Variants in TUBGCP5 observed in about 807,000 individuals in gnomAD.
The protein encoded by TUBGCP5 is gamma-tubulin complex component 5.
A neutral mutation model predicts 134.7 loss-of-function variants in TUBGCP5; 98 were observed. That is an observed-to-expected ratio of 0.73 (90% CI 0.62 to 0.86). The LOEUF is 0.86. TUBGCP5 is among the 40% of genes least tolerant of loss of function. The probability of loss-of-function intolerance (pLI) is 0.00; values close to 1 mark genes in which losing one functional copy is unlikely to be tolerated. For missense variants in TUBGCP5, 1,150 were observed against 1,244.8 expected (o/e 0.92, Z 1.15); for synonymous variants, 456 against 431.4 (o/e 1.06, Z -0.71).
intron 6 of TUBGCP5, among the ~76,000 whole-genome samples, chr15:23,030,510 T>C (rs2066243109): frequency 6.6e-6 from 1 of 151,994 alleles, no homozygotes; most frequent in African/African-American, 2.4e-5. Context: ...TATACTTTTT[T>C]ATTTTAATTT....
Position 22,999,871 on chromosome 15 carries a change from G to A in TUBGCP5, c.3029-5C>T, listed in dbSNP as rs2064267883. The A allele has an allele frequency of 1.2e-6, 2 of 1,613,398 alleles. No homozygotes were observed. Among genetic ancestry groups the A allele is most frequent in the East Asian group, 2.2e-5 (1 of 44,890 alleles). On this transcript the variant is annotated splice_polypyrimidine_tract_variant and splice_region_variant and intron_variant, in intron 22 of 22. Coordinates refer to ENST00000615383, the MANE Select transcript of TUBGCP5 (RefSeq NM_052903.6). ...GTGACAACGCTAGAGATTCCACTGT[G>A]GGAAGAATAAAAATAAGGTTAAAAC...
intron 1 of TUBGCP5, among the ~76,000 whole-genome samples, chr15:23,038,760 C>T (rs1017196318): frequency 1.3e-5 from 2 of 152,036 alleles, no homozygotes; most frequent in Admixed American, 1.3e-4. Flanking sequence ...AATAGGAGAT[C>T]TCACTTTACG....
Position 23,037,061 on chromosome 15 carries a change from A to C in TUBGCP5, c.200+38T>G, listed in dbSNP as rs773110733. 19 of 1,601,950 alleles carry C rather than the reference A, an allele frequency of 1.2e-5. No homozygotes were observed. In the South Asian group the frequency reaches 1.2e-4, roughly 10 times the overall value. On this transcript the variant is annotated intron_variant, in intron 2 of 22. Coordinates refer to ENST00000615383, the MANE Select transcript of TUBGCP5 (RefSeq NM_052903.6). ...CTTAAAAAGATCTATAAGAAAATAC[A>C]TATATTTCTGGATGCGTATATATAC...
chr15:23,007,219 C>A (rs1276581293), intron 16 of TUBGCP5, among the ~76,000 whole-genome samples: 3 of 151,970 alleles, frequency 2.0e-5, no homozygotes, highest in Non-Finnish European at 4.4e-5. Context: ...CTGGCTAACC[C>A]AGTGAAACCC....
chr15:23,039,516 G>C lies in TUBGCP5; in HGVS notation c.28C>G (p.Arg10Gly). The C allele has an allele frequency of 2.0e-6, 3 of 1,499,446 alleles. No individual in the cohort carries two copies. The highest frequency in any genetic ancestry group is 1.3e-5 in the South Asian group (1 of 78,860). The allele number at this position is 1,499,446 out of a possible 1,614,324, so 92.9% of individuals were successfully genotyped here. The change falls in exon 1 of 23, where the codon CGG (arginine) becomes GGG (glycine). Residue 10 changes from arginine (R) to glycine (G), a missense_variant. Transcript: ENST00000615383. MARHGPPWS[R>G]LDAQQERDVR... ...TCGCGCTCCTGCTGCGCGTCCAACCGACTCCACGGTGGCCCGTGCCGCGCC... is the reference window on the plus strand; with the variant it reads ...TCGCGCTCCTGCTGCGCGTCCAACCCACTCCACGGTGGCCCGTGCCGCGCC...
chr15:23,021,743 C>T (rs2065710158), intron 11 of TUBGCP5, among the ~76,000 whole-genome samples: 1 of 152,204 alleles, frequency 6.6e-6, no homozygotes, highest in South Asian at 2.1e-4. Context: ...GTACTTCTCA[C>T]AGCTTGCCTT....
intron 16 of TUBGCP5, among the ~76,000 whole-genome samples, chr15:23,007,883 G>A (rs931556776): frequency 1.2e-4 from 19 of 152,110 alleles, no homozygotes; most frequent in Admixed American, 3.3e-4. Context: ...GTCCGTTTTG[G>A]TGGAAGGGAG....
chr15:23,022,878 G>C (rs945546388), intron 10 of TUBGCP5, among the ~76,000 whole-genome samples: 7 of 152,116 alleles, frequency 4.6e-5, no homozygotes, highest in South Asian at 2.1e-4. Context: ...AGCTACATGG[G>C]TTACCATTTT....
chr15:23,037,287 G>T, intron 1 of TUBGCP5, 135 bp from the exon 2 acceptor site: 1 of 793,628 alleles, frequency 1.3e-6, no homozygotes, highest in Non-Finnish European at 2.1e-6. Flanking sequence ...CTTGTCCTCC[G>T]TTACCTCCAC....
chr15:23,024,809 C>T lies in TUBGCP5; in HGVS notation c.849G>A (p.Lys283=). The T allele has an allele frequency of 6.3e-7, 1 of 1,593,398 alleles. No homozygotes were observed. Among genetic ancestry groups the T allele is most frequent in the South Asian group, 1.1e-5 (1 of 88,454 alleles). The change falls in exon 9 of 23, where the codon AAG becomes AAA. Residue 283 remains lysine (K), a synonymous_variant. Transcript: ENST00000615383. ...CATCTATCAACTGAAATATAAAGAG[C>T]TTTTTCACTCCTGAAAGTAACCTGA... ...ETLWLLSGVK[K]LFIFQLIDGK... is the part of the protein sequence containing the mutation.
In TUBGCP5 at chr15:23,008,845, G is replaced by A. The variant is rs1320550584; in HGVS notation, c.2181C>T (p.Phe727=). ...VEYLQAMRNF[F]LMEGGDTMYD... is the part of the protein sequence containing the mutation. ...ACATGGTATCTCCTCCTTCCATTAA[G>A]AAAAAATTCCTCATAGCTTGCAAGT... Residue 727 remains phenylalanine (F), a synonymous_variant, in exon 16 of 23, where the codon TTC becomes TTT. Coordinates refer to ENST00000615383, the MANE Select transcript of TUBGCP5 (RefSeq NM_052903.6). 2.5e-6 allele frequency: 4 copies of A among 1,576,598 alleles called. No individual in the cohort carries two copies. The highest frequency in any genetic ancestry group is 4.6e-5 in the East Asian group (2 of 43,532).
Position 23,010,130 on chromosome 15 carries a change from C to T in TUBGCP5, c.1959G>A (p.Met653Ile), listed in dbSNP as rs755466275. ...DPLLAINFAR[M>I]YLEQSDFHEK... Reference sequence around the variant, plus strand: ...CGTGAAAGTCACTCTGCTCCAAATACATCCTTCAAGATAAAAATGTGAGTC... The same window carrying T: ...CGTGAAAGTCACTCTGCTCCAAATATATCCTTCAAGATAAAAATGTGAGTC... The change falls in exon 15 of 23, where the codon ATG (methionine) becomes ATA (isoleucine). Residue 653 changes from methionine to isoleucine, a missense_variant. Transcript: ENST00000615383. 65 of 1,610,728 alleles carry T rather than the reference C, an allele frequency of 4.0e-5. 1 individual carries two copies. The East Asian group carries it at 1.2e-3, about 29-fold the overall frequency.
intron 21 of TUBGCP5, among the ~76,000 whole-genome samples, chr15:23,001,454 C>T (rs952415433): frequency 1.3e-4 from 20 of 151,846 alleles, no homozygotes; most frequent in African/African-American, 4.6e-4. Context: ...AGCAATTCTC[C>T]TGCCTCAGCC....
intron 23 of TUBGCP5, among the ~76,000 whole-genome samples, chr15:22,991,414 TTAA>T (rs1213483608): frequency 6.6e-6 from 1 of 152,166 alleles, no homozygotes; most frequent in Non-Finnish European, 1.5e-5. Context: ...CTTTCTTAAC[TTAA>T]TGATGCCATG....
At chr15:23,029,424 T>C (rs2066172377) in intron 6 of TUBGCP5, among the ~76,000 whole-genome samples, 1 of 152,024 alleles carries the variant, frequency 6.6e-6, no homozygotes, top group Admixed American at 6.6e-5. Flanking sequence ...TTTCACCATG[T>C]TGGTCAGGCT....
intron 23 of TUBGCP5, among the ~76,000 whole-genome samples, chr15:22,992,359 AGAC>A (rs1251595762): frequency 1.3e-5 from 2 of 152,162 alleles, no homozygotes; most frequent in African/African-American, 4.8e-5. Context: ...CGTCGGATGC[AGAC>A]AACAGGCAGC....
chr15:22,995,838 G>A (rs1209281527), downstream of TUBGCP5, among the ~76,000 whole-genome samples: 1 of 152,092 alleles, frequency 6.6e-6, no homozygotes, highest in Non-Finnish European at 1.5e-5. Flanking sequence ...TCTATCACTG[G>A]AGACTAGTTT....
At chr15:23,024,898 G>T in intron 8 of TUBGCP5, 68 bp from the exon 9 acceptor site, 2 of 982,852 alleles carry the variant, frequency 2.0e-6, no homozygotes, top group Non-Finnish European at 3.1e-6. Flanking sequence ...AGTATGCCCA[G>T]GACATTTTTT....
chr15:22,992,713 A>G (rs1317386360), intron 23 of TUBGCP5, among the ~76,000 whole-genome samples: 1 of 152,132 alleles, frequency 6.6e-6, no homozygotes, highest in Non-Finnish European at 1.5e-5. Context: ...GAGGGCTTAA[A>G]AGAAAGTGAG....
Sources: gnomAD v4.1 joint callset for allele counts (sites outside exome capture counted in the v4.1 genomes callset) on GRCh38, gnomAD v4.1.1 for gene constraint, MANE v1.5 for transcripts, NCBI Gene and HGNC (gene_info 2026-07-23, HGNC 2026-07-21) for gene names.